DPYSL5: variants seen among roughly 807,000 people sequenced by gnomAD.
DPYSL5 encodes the protein dihydropyrimidinase like 5.
Under a neutral mutation model 58.4 loss-of-function variants are expected in DPYSL5, and 9 were observed. The ratio of observed to expected loss-of-function variants is 0.15; its 90% confidence interval spans 0.09 to 0.27. DPYSL5 has a LOEUF of 0.27. Among genes scored for constraint, DPYSL5 ranks in the 10% least tolerant of loss-of-function variants. The pLI is 1.00. For missense variants in DPYSL5, 499 were observed against 770.6 expected (o/e 0.65, Z 4.17); for synonymous variants, 293 against 301.9 (o/e 0.97, Z 0.31).
intron 2 of DPYSL5, among the ~76,000 whole-genome samples, chr2:26,902,362 T>C (rs910598738): frequency 6.6e-6 from 1 of 152,042 alleles, no homozygotes; most frequent in Non-Finnish European, 1.5e-5. Context: ...CACCCACCAA[T>C]GGCTCTCCAG....
chr2:26,862,608 T>C (rs1666041713), intron 1 of DPYSL5, among the ~76,000 whole-genome samples: 1 of 152,168 alleles, frequency 6.6e-6, no homozygotes, highest in Non-Finnish European at 1.5e-5. Context: ...TTCTTCTGGG[T>C]CTGCACTCTT....
chr2:26,918,077 C>T (rs1664612455), intron 2 of DPYSL5, among the ~76,000 whole-genome samples: 1 of 127,530 alleles, frequency 7.8e-6, no homozygotes, highest in Non-Finnish European at 1.6e-5. Context: ...GCGGAGGTTT[C>T]AGTAGCTGAG....
At chr2:26,922,115 C>CT (rs1158028111) in intron 2 of DPYSL5, among the ~76,000 whole-genome samples, 1 of 152,206 alleles carries the variant, frequency 6.6e-6, no homozygotes, top group Non-Finnish European at 1.5e-5. Flanking sequence ...AAACTACACT[C>CT]TGGGTCCCTA....
At chr2:26,919,340 G>T (rs1664649922) in intron 2 of DPYSL5, among the ~76,000 whole-genome samples, 1 of 152,122 alleles carries the variant, frequency 6.6e-6, no homozygotes, top group South Asian at 2.1e-4. Flanking sequence ...TCATAAAATG[G>T]ATTACCATTA....
At chr2:26,932,307 C>A (rs1301744531) in intron 6 of DPYSL5, among the ~76,000 whole-genome samples, 1 of 152,204 alleles carries the variant, frequency 6.6e-6, no homozygotes, top group Non-Finnish European at 1.5e-5. Context: ...GAACCCAGAG[C>A]TGTTTGCTGA....
intron 6 of DPYSL5, among the ~76,000 whole-genome samples, chr2:26,932,831 A>T (rs1342365414): frequency 6.6e-6 from 1 of 152,232 alleles, no homozygotes; most frequent in African/African-American, 2.4e-5. Flanking sequence ...GTCTACTGAT[A>T]AGCAGCCTTC....
rs999693632 is a variant in DPYSL5 at position 26,934,836 on chromosome 2, C to G, written c.947+102C>G. On this transcript the variant is annotated intron_variant, in intron 8 of 12. Coordinates refer to ENST00000288699, the MANE Select transcript of DPYSL5 (RefSeq NM_020134.4). The surrounding 1 kb of genome is among the most constrained non-coding windows in gnomAD (Gnocchi z 4.3). ...CTGAGCTAGGTTTGATTTCATTGTG[C>G]CCATAGGATCATTGTGCTTTTCTTA... is the stretch of plus-strand genomic sequence containing the variant. 2.1e-6 allele frequency: 3 copies of G among 1,450,182 alleles called. No homozygotes were observed. The highest frequency in any genetic ancestry group is 3.9e-5 in the Admixed American group (2 of 51,668). 89.8% of individuals were successfully genotyped at this position (1,450,182 alleles called of 1,614,324 possible).
chr2:26,884,754 C>T (rs939286556), intron 1 of DPYSL5, among the ~76,000 whole-genome samples: 7 of 152,188 alleles, frequency 4.6e-5, no homozygotes, highest in African/African-American at 1.7e-4. Context: ...CAGATGAACT[C>T]ATGGGATTAA....
At chr2:26,939,467 A>T (rs754259012) in intron 8 of DPYSL5, 3 of 154,232 alleles carry the variant, frequency 1.9e-5, no homozygotes, top group Non-Finnish European at 4.3e-5. Context: ...TGAGGACCGT[A>T]GTCATGAACG....
intron 1 of DPYSL5, among the ~76,000 whole-genome samples, chr2:26,850,581 G>A (rs1462053755): frequency 3.3e-5 from 5 of 151,528 alleles, no homozygotes; most frequent in African/African-American, 1.2e-4. Flanking sequence ...CCCAGACTGG[G>A]CGATACTTGG....
intron 1 of DPYSL5, among the ~76,000 whole-genome samples, chr2:26,868,054 A>AAAGTG (rs1663153850): frequency 6.6e-6 from 1 of 152,210 alleles, no homozygotes; most frequent in Admixed American, 6.5e-5. Context: ...TGATGGATGT[A>AAAGTG]AAGTGATACC....
In DPYSL5 at chr2:26,932,183, GAAAGAAAGAAAGAAAGAAAGAAAGA is replaced by G. The variant is rs1377930146; in HGVS notation, c.714+528_714+552del. Among the ~76,000 whole-genome samples the G allele has an allele frequency of 1.3e-3, 100 of 75,406 alleles. 3 individuals are homozygous for G. Among genetic ancestry groups the G allele is most frequent in the African/African-American group, 4.4e-3 (93 of 21,348 alleles). The allele number at this position is 75,406 out of a possible 152,430, so 49.5% of individuals were successfully genotyped here. A position where few individuals can be genotyped will look rare whatever the true frequency, so the allele number is the denominator to read the frequency against. The stretch of plus-strand genomic sequence containing the variant: ...AGAAAGAAAGAAAGAAAGAAAGAAA[GAAAGAAAGAAAGAAAGAAAGAAAGA>G]AAAGAAAGAAAGAAAGAAAGAAAGA... On this transcript the variant is annotated intron_variant, in intron 6 of 12. Transcript: ENST00000288699.
intron 2 of DPYSL5, among the ~76,000 whole-genome samples, chr2:26,899,720 A>G (rs1458343279): frequency 6.6e-6 from 1 of 152,162 alleles, no homozygotes; most frequent in Non-Finnish European, 1.5e-5. Context: ...AGACCCTTGG[A>G]AGGCTGGGCT....
At chr2:26,858,697 G>T (rs1665938789) in intron 1 of DPYSL5, among the ~76,000 whole-genome samples, 1 of 150,478 alleles carries the variant, frequency 6.6e-6, no homozygotes, top group Non-Finnish European at 1.5e-5. Context: ...CCAAGTAGCT[G>T]GGACCACAGG....
At chr2:26,928,687 G>GTATATATATA (rs66756785) in intron 5 of DPYSL5, among the ~76,000 whole-genome samples, 10 of 60,708 alleles carry the variant, frequency 1.6e-4, no homozygotes, top group African/African-American at 5.9e-4. Context: ...AGGTGATAGA[G>GTATATATATA]TATATATATA....
At chr2:26,909,653 G>A (rs115371926) in intron 2 of DPYSL5, among the ~76,000 whole-genome samples, 1,995 of 152,126 alleles carry the variant, frequency 0.013, 47 homozygotes, top group African/African-American at 0.046. Flanking sequence ...TATAGACCTA[G>A]CTACTAGGGA....
In DPYSL5 at chr2:26,849,757, G is replaced by A. The variant is rs1456974151; in HGVS notation, c.-5+1503G>A. Reference sequence around the variant, plus strand: ...TTTTCTGGTGCTGGGAATACTCCCTGCGGAACCTCCGGGCACGTGCTGGCT... The same window carrying A: ...TTTTCTGGTGCTGGGAATACTCCCTACGGAACCTCCGGGCACGTGCTGGCT... On this transcript the variant is annotated intron_variant, in intron 1 of 12. Coordinates refer to ENST00000288699, the MANE Select transcript of DPYSL5 (RefSeq NM_020134.4). This position sits in a 1 kb window ranked among gnomAD's most constrained non-coding sequence, Gnocchi z 6.2. Among the ~76,000 whole-genome samples the A allele has an allele frequency of 6.6e-6, 1 of 152,228 alleles. No homozygotes were observed. Among genetic ancestry groups the A allele is most frequent in the African/African-American group, 2.4e-5 (1 of 41,462 alleles).
intron 2 of DPYSL5, among the ~76,000 whole-genome samples, chr2:26,917,005 G>A (rs573455894): frequency 2.6e-5 from 4 of 152,288 alleles, no homozygotes; most frequent in African/African-American, 4.8e-5. Context: ...CTATGTGCAG[G>A]CACTGGGCTA....
chr2:26,890,405 A>G (rs928902724), intron 1 of DPYSL5, among the ~76,000 whole-genome samples: 6 of 152,252 alleles, frequency 3.9e-5, no homozygotes, highest in Non-Finnish European at 8.8e-5. Context: ...CACCCTGGGT[A>G]GGGAGCATGT....
Sources: allele counts gnomAD v4.1 joint callset (sites outside exome capture counted in the v4.1 genomes callset), GRCh38; gene constraint gnomAD v4.1.1; non-coding constraint Gnocchi (gnomAD v3.1); transcripts MANE v1.5; gene names NCBI Gene and HGNC (gene_info 2026-07-23, HGNC 2026-07-21).